Variants in XIAP observed in about 807,000 individuals in gnomAD.
The protein encoded by XIAP is E3 ubiquitin-protein ligase XIAP.
XIAP carries 3 observed loss-of-function variants against 33.1 expected under a neutral mutation model. That is an observed-to-expected ratio of 0.09 (90% CI 0.04 to 0.23). XIAP has a LOEUF of 0.23. XIAP is among the 10% of genes least tolerant of loss of function. The pLI is 1.00. For synonymous variants in XIAP, 98 were observed against 121.3 expected, an observed-to-expected ratio of 0.81 and a Z score of 1.26; for missense variants, 264 against 363.0, an observed-to-expected ratio of 0.73 and a Z score of 2.22.
intron 1 of XIAP, among the ~76,000 whole-genome samples, chrX:123,862,667 A>G (rs1408930604): frequency 9.3e-6 from 1 of 107,757 alleles, no homozygotes; most frequent in Non-Finnish European, 1.9e-5. Flanking sequence ...TGGAGTCCAG[A>G]CTGGCCAACA....
At position 123,888,715 on chromosome X, in the gene XIAP, C is replaced by T; in HGVS notation, c.974C>T (p.Pro325Leu). 1 of 1,206,332 alleles carries T rather than the reference C, an allele frequency of 8.3e-7. No homozygotes were observed. The highest frequency in any genetic ancestry group is 1.1e-6 in the Non-Finnish European group (1 of 890,596). ...DPWEQHAKWY[P>L]GCKYLLEQKG... Reference sequence around the variant, plus strand: ...TGGGAACAACATGCTAAATGGTATCCAGGGTAAGATATTTAATTGTTCATT... The same window carrying T: ...TGGGAACAACATGCTAAATGGTATCTAGGGTAAGATATTTAATTGTTCATT... Residue 325 changes from proline (P) to leucine (L), a missense_variant, in exon 3 of 7, where the codon CCA becomes CTA. Pro to Leu is a moderately conservative substitution (Grantham distance 98). Coordinates refer to ENST00000371199, the MANE Select transcript of XIAP (RefSeq NM_001167.4).
At chrX:123,898,875 CT>C (rs1407356011) in intron 5 of XIAP, among the ~76,000 whole-genome samples, 2 of 104,618 alleles carry the variant, frequency 1.9e-5, no homozygotes. Context: ...AATCCCAGCA[CT>C]TTGGGAAGTT....
At chrX:123,880,867 A>G (rs1234243056) in intron 1 of XIAP, among the ~76,000 whole-genome samples, 1 of 109,255 alleles carries the variant, frequency 9.2e-6, no homozygotes, top group Non-Finnish European at 1.9e-5. Context: ...TTAGCTGTCA[A>G]CCTCCTCTCC....
Position 123,908,193 on chromosome X carries a change from G to A in XIAP, c.*1012G>A, listed in dbSNP as rs2053570020. On this transcript the variant is annotated 3_prime_UTR_variant, in exon 7 of 7. Transcript: ENST00000371199. ...GAAGGCAGGGCAGTTAACCTTTTTG[G>A]TGCCAATGTGAAATGTAAATGATTT... 1 of 362,181 alleles carries A rather than the reference G, an allele frequency of 2.8e-6. No homozygotes were observed. The highest frequency in any genetic ancestry group is 3.0e-5 in the Admixed American group (1 of 32,919). The allele number at this position is 362,181 out of a possible 1,213,427, so 29.8% of individuals were successfully genotyped here.
chrX:123,877,233 T>A (rs1295870809), intron 1 of XIAP, among the ~76,000 whole-genome samples: 1 of 110,854 alleles, frequency 9.0e-6, no homozygotes, highest in East Asian at 2.8e-4. Flanking sequence ...GCCTGACTAC[T>A]TTTTGTATTT....
At chrX:123,864,849 GTGT>G (rs2053119331) in intron 1 of XIAP, among the ~76,000 whole-genome samples, 2 of 105,871 alleles carry the variant, frequency 1.9e-5, no homozygotes, top group Non-Finnish European at 3.9e-5. Context: ...CCGTGTGTGT[GTGT>G]GTGTGTGTTT....
chrX:123,893,316 G>A (rs1253963476), intron 5 of XIAP, among the ~76,000 whole-genome samples: 3 of 107,042 alleles, frequency 2.8e-5, no homozygotes, highest in Non-Finnish European at 5.8e-5. Flanking sequence ...TCAGGAGATC[G>A]AGACCATCCT....
chrX:123,870,260 C>T, intron 1 of XIAP, among the ~76,000 whole-genome samples: 1 of 109,680 alleles, frequency 9.1e-6, no homozygotes, highest in South Asian at 3.9e-4. Flanking sequence ...CCATGCCCAG[C>T]CAAGATTGAA....
In XIAP at chrX:123,886,545, CTT is replaced by C. The variant is rs1355498168; in HGVS notation, c.877+8_877+9del. On this transcript the variant is annotated splice_region_variant and intron_variant, in intron 2 of 6. Coordinates refer to ENST00000371199, the MANE Select transcript of XIAP (RefSeq NM_001167.4). ...AGCTGGATTTTATGCTTTAGGTAAA[CTT>C]TATTATAAAACCAATAAATAGCTTC... The C allele has an allele frequency of 6.7e-6, 8 of 1,200,970 alleles. No homozygotes were observed. In the South Asian group the frequency reaches 1.2e-4, roughly 18 times the overall value.
chrX:123,903,771 C>T (rs2053536728), intron 6 of XIAP, among the ~76,000 whole-genome samples: 1 of 107,893 alleles, frequency 9.3e-6, no homozygotes, highest in Admixed American at 1.0e-4. Flanking sequence ...CAGAACTCTT[C>T]ATCTTGCAAA....
At chrX:123,894,808 G>C (rs775800517) in intron 5 of XIAP, among the ~76,000 whole-genome samples, 2 of 109,165 alleles carry the variant, frequency 1.8e-5, no homozygotes, top group East Asian at 5.7e-4. Context: ...CCAGGGCGTG[G>C]TGGCACACAC....
intron 1 of XIAP, among the ~76,000 whole-genome samples, chrX:123,875,665 A>T (rs2053237457): frequency 9.3e-6 from 1 of 108,103 alleles, no homozygotes; most frequent in Non-Finnish European, 1.9e-5. Flanking sequence ...GTTTTCTATC[A>T]ACGTATTAAT....
chrX:123,880,442 A>G (rs1315781714), intron 1 of XIAP, among the ~76,000 whole-genome samples: 6 of 104,438 alleles, frequency 5.7e-5, no homozygotes, highest in Non-Finnish European at 9.8e-5. Flanking sequence ...ACCCTAATAA[A>G]AAAAAAAAAA....
chrX:123,876,090 T>C (rs2053241525), intron 1 of XIAP, among the ~76,000 whole-genome samples: 1 of 111,917 alleles, frequency 8.9e-6, no homozygotes, highest in Non-Finnish European at 1.9e-5. Flanking sequence ...CACAGCTCAC[T>C]GTAACCTGGA....
rs2053421681 is a variant in XIAP, at chrX:123,893,010, C to T, written c.1099+237C>T. ...TAACTTTTTATATTTTTAGTAGAGACGGAGTTTTACCATATTGGCCAGGCT... is the reference window on the plus strand; with the variant it reads ...TAACTTTTTATATTTTTAGTAGAGATGGAGTTTTACCATATTGGCCAGGCT... On this transcript the variant is annotated intron_variant, in intron 5 of 6. Transcript: ENST00000371199. Among the ~76,000 whole-genome samples, 3 of 108,451 alleles carry T rather than the reference C, an allele frequency of 2.8e-5. No individual in the cohort carries two copies. The Admixed American group carries it at 3.0e-4, about 11-fold the overall frequency. 94.2% of individuals were successfully genotyped at this position (108,451 alleles called of 115,157 possible).
chrX:123,872,425 C>T (rs1471649207), intron 1 of XIAP, among the ~76,000 whole-genome samples: 2 of 108,546 alleles, frequency 1.8e-5, no homozygotes, highest in Non-Finnish European at 3.8e-5. Context: ...TGGTGGCTCA[C>T]GCCTGTAATC....
chrX:123,867,362 T>C (rs2053151261), intron 1 of XIAP, among the ~76,000 whole-genome samples: 1 of 92,338 alleles, frequency 1.1e-5, no homozygotes, highest in Non-Finnish European at 2.2e-5. Context: ...CCCAGCAGTC[T>C]TTTTTTTTTT....
At chrX:123,904,475 A>G (rs12397329) in intron 6 of XIAP, among the ~76,000 whole-genome samples, 10,533 of 109,710 alleles carry the variant, frequency 0.096, 418 homozygotes, top group African/African-American at 0.13. Context: ...TCTACCCCCA[A>G]CTCCCTGAAT....
At chrX:123,888,098 C>T (rs1378336512) in intron 2 of XIAP, among the ~76,000 whole-genome samples, 1 of 111,485 alleles carries the variant, frequency 9.0e-6, no homozygotes, top group African/African-American at 3.2e-5. Context: ...CTTTGGAAGG[C>T]CGAGGCGGGT....
Sources: allele counts gnomAD v4.1 joint callset (sites outside exome capture counted in the v4.1 genomes callset), GRCh38; gene constraint gnomAD v4.1.1; transcripts MANE v1.5; gene names NCBI Gene and HGNC (gene_info 2026-07-23, HGNC 2026-07-21).